The following APBB1IP variants were observed in gnomAD, a reference collection of about 807,000 sequenced individuals.
APBB1IP encodes the protein amyloid beta A4 precursor protein-binding family B member 1-interacting protein.
In APBB1IP, 27 loss-of-function variants were observed where a neutral mutation model predicts 64.9. The observed-to-expected ratio is 0.42, with a 90% CI of 0.31 to 0.57. The LOEUF is 0.57. Ranked by LOEUF, APBB1IP falls within the 20% of genes least tolerant of loss-of-function variation. The probability of loss-of-function intolerance (pLI) is 0.20; values close to 1 mark genes in which losing one functional copy is unlikely to be tolerated. For missense variants in APBB1IP, 812 were observed against 845.5 expected (o/e 0.96, Z 0.49); for synonymous variants, 392 against 331.0 (o/e 1.18, Z -2.00).
rs1836947918 is a variant in APBB1IP at position 26,560,096 on chromosome 10, TC to T, written c.1156-8del. 6.2e-7 allele frequency: 1 copy of T among 1,612,802 alleles called. No individual in the cohort carries two copies. ...GTGAATACATTGTCTCGAAACTGCT[TC>T]TTTCTAGCACCCCCAAATTCAGAAG... On this transcript the variant is annotated splice_polypyrimidine_tract_variant and splice_region_variant and intron_variant, in intron 11 of 14. Coordinates refer to ENST00000376236, the MANE Select transcript of APBB1IP (RefSeq NM_019043.4).
At chr10:26,523,083 T>A (rs1420795296) in intron 8 of APBB1IP, among the ~76,000 whole-genome samples, 1 of 151,380 alleles carries the variant, frequency 6.6e-6, no homozygotes, top group East Asian at 1.9e-4. Context: ...AGAAATAGAT[T>A]AGGTGGAGCC....
rs528473813 is a variant in APBB1IP, at chr10:26,553,754, T to C, written c.1156-6351T>C. Among the ~76,000 whole-genome samples the C allele has an allele frequency of 1.1e-4, 17 of 152,370 alleles. No individual in the cohort carries two copies. The South Asian group carries it at 3.3e-3, about 30-fold the overall frequency. On this transcript the variant is annotated intron_variant, in intron 11 of 14. Coordinates refer to ENST00000376236, the MANE Select transcript of APBB1IP (RefSeq NM_019043.4). Reference sequence around the variant, plus strand: ...GGCCTCTGGCTTTGTGGAGTTTGCATGCTAGCAGGCTTCTCCCTGCACCTC... The same window carrying C: ...GGCCTCTGGCTTTGTGGAGTTTGCACGCTAGCAGGCTTCTCCCTGCACCTC...
At chr10:26,459,400 C>T (rs1387684870) in intron 2 of APBB1IP, among the ~76,000 whole-genome samples, 5 of 151,992 alleles carry the variant, frequency 3.3e-5, no homozygotes, top group African/African-American at 4.8e-5. Context: ...AATAAACATA[C>T]GTGTCATGTG....
intron 2 of APBB1IP, among the ~76,000 whole-genome samples, chr10:26,453,445 AGG>A (rs1044525827): frequency 2.6e-5 from 4 of 152,166 alleles, no homozygotes; most frequent in Non-Finnish European, 5.9e-5. Context: ...AGTGACAGTG[AGG>A]GTGGGACAGG....
chr10:26,481,827 G>T (rs2152298), intron 2 of APBB1IP, among the ~76,000 whole-genome samples: 1,260 of 14,574 alleles, frequency 0.086, 18 homozygotes, highest in African/African-American at 0.23. Context: ...ATCTCATTAC[G>T]TGTGTGTGTG....
chr10:26,475,098 C>A (rs1026449571), intron 2 of APBB1IP, among the ~76,000 whole-genome samples: 4 of 151,424 alleles, frequency 2.6e-5, no homozygotes, highest in Admixed American at 1.3e-4. Context: ...GTGTCCGTGT[C>A]TTCCCTTGTT....
chr10:26,533,594 C>G (rs1836580748), intron 9 of APBB1IP, 69 bp downstream of exon 9: 3 of 1,030,908 alleles, frequency 2.9e-6, no homozygotes, highest in Admixed American at 6.4e-5. Context: ...CATTTGCTTC[C>G]GAGAACAATG....
In APBB1IP at chr10:26,565,092, T is replaced by G. The variant is rs140569587; in HGVS notation, c.1474-1869T>G. On this transcript the variant is annotated intron_variant, in intron 14 of 14. Coordinates refer to ENST00000376236, the MANE Select transcript of APBB1IP (RefSeq NM_019043.4). Reference sequence around the variant, plus strand: ...TTTGTGCCTACGTTTGCACAAAGCTTACCTGTAGCCAAGAGAGAACTATTT... The same window carrying G: ...TTTGTGCCTACGTTTGCACAAAGCTGACCTGTAGCCAAGAGAGAACTATTT... Among the ~76,000 whole-genome samples the G allele has an allele frequency of 1.8e-3, 273 of 152,310 alleles. 2 individuals carry two copies. The highest frequency in any genetic ancestry group is 6.3e-3 in the African/African-American group (262 of 41,582).
intron 2 of APBB1IP, among the ~76,000 whole-genome samples, chr10:26,487,824 G>T (rs909761158): frequency 1.3e-5 from 2 of 152,134 alleles, no homozygotes; most frequent in African/African-American, 4.8e-5. Flanking sequence ...CCAAATTTAA[G>T]GGTTCAGGAG....
chr10:26,470,254 G>A (rs959429619), intron 2 of APBB1IP, among the ~76,000 whole-genome samples: 3 of 152,050 alleles, frequency 2.0e-5, no homozygotes, highest in Non-Finnish European at 4.4e-5. Context: ...AAAGAGGCTC[G>A]GACTGGGCAC....
intron 8 of APBB1IP, among the ~76,000 whole-genome samples, chr10:26,533,238 G>A (rs1014542067): frequency 6.6e-6 from 1 of 152,208 alleles, no homozygotes; most frequent in Non-Finnish European, 1.5e-5. Context: ...CACTATGGGA[G>A]GATGAAGAGG....
Position 26,518,931 on chromosome 10 carries a change from T to G in APBB1IP, c.813+5271T>G, listed in dbSNP as rs11015148. On this transcript the variant is annotated intron_variant, in intron 8 of 14. Transcript: ENST00000376236. ...GATTTTTTATTAAATCCAGCATTTC[T>G]AGCGGTTTTGTGTACAGCAAGCTAC... 5.8e-3 allele frequency among the ~76,000 whole-genome samples: 880 copies of G among 152,342 alleles called. 21 individuals carry two copies. In the East Asian group the frequency reaches 0.081, roughly 14 times the overall value.
chr10:26,500,856 T>C lies in APBB1IP; in HGVS notation c.198T>C (p.Ala66=). ...CACTGGAAGACCAAGATTTAGATGC[T>C]CTCATGGCAGATCTGGTAGCAGACA... ...LNALEDQDLD[A]LMADLVADIS... is the part of the protein sequence containing the mutation. Residue 66 remains alanine, a synonymous_variant, in exon 5 of 15, where the codon GCT becomes GCC. Coordinates refer to ENST00000376236, the MANE Select transcript of APBB1IP (RefSeq NM_019043.4). 1 of 1,614,188 alleles carries C rather than the reference T, an allele frequency of 6.2e-7. No homozygotes were observed. Among genetic ancestry groups the C allele is most frequent in the Non-Finnish European group, 8.5e-7 (1 of 1,180,012 alleles).
At chr10:26,562,900 A>C (rs556916982) in intron 14 of APBB1IP, among the ~76,000 whole-genome samples, 20 of 152,230 alleles carry the variant, frequency 1.3e-4, no homozygotes, top group Non-Finnish European at 2.4e-4. Flanking sequence ...GTAATCTTAA[A>C]GTTACATATG....
chr10:26,484,230 T>G (rs1401373023), intron 2 of APBB1IP, among the ~76,000 whole-genome samples: 1 of 152,230 alleles, frequency 6.6e-6, no homozygotes, highest in Non-Finnish European at 1.5e-5. Flanking sequence ...CAAAACTTGA[T>G]AATCACAAGA....
chr10:26,481,511 G>T (rs909666807), intron 2 of APBB1IP, among the ~76,000 whole-genome samples: 1 of 151,964 alleles, frequency 6.6e-6, no homozygotes, highest in African/African-American at 2.4e-5. Context: ...TAGAGACAGG[G>T]TCACACTTTG....
intron 6 of APBB1IP, chr10:26,509,821 A>T (rs570412664): frequency 6.6e-6 from 1 of 152,198 alleles, no homozygotes; most frequent in South Asian, 2.1e-4. Context: ...TCGTTGAATA[A>T]CCGGGACCAA....
At chr10:26,520,461 C>A (rs185987950) in intron 8 of APBB1IP, among the ~76,000 whole-genome samples, 1 of 152,294 alleles carries the variant, frequency 6.6e-6, no homozygotes, top group Admixed American at 6.5e-5. Context: ...TTTAAAATTT[C>A]ATTCTTAAAG....
At chr10:26,443,902 A>G (rs3006805) in intron 2 of APBB1IP, among the ~76,000 whole-genome samples, 31,875 of 152,136 alleles carry the variant, frequency 0.21, 4,304 homozygotes, top group East Asian at 0.49. Flanking sequence ...ACTATTATAG[A>G]CGCAAGGAAT....
Sources: allele counts gnomAD v4.1 joint callset (sites outside exome capture counted in the v4.1 genomes callset), GRCh38; gene constraint gnomAD v4.1.1; transcripts MANE v1.5; gene names NCBI Gene and HGNC (gene_info 2026-07-23, HGNC 2026-07-21).